Variants in ITPR2 observed in about 807,000 individuals in gnomAD.
The protein encoded by ITPR2 is inositol 1,4,5-trisphosphate receptor type 2.
In ITPR2, 207 loss-of-function variants were observed where a neutral mutation model predicts 317.1. That is an observed-to-expected ratio of 0.65 (90% CI 0.58 to 0.73). ITPR2 has a LOEUF of 0.73. ITPR2 is among the 30% of genes least tolerant of loss of function. The probability of loss-of-function intolerance (pLI) is 0.00; values close to 1 mark genes in which losing one functional copy is unlikely to be tolerated. For synonymous variants in ITPR2, 1,156 were observed against 1,149.1 expected (o/e 1.01, Z -0.12); for missense variants, 2,613 against 3,284.0 (o/e 0.80, Z 4.99).
chr12:26,378,067 T>C (rs897348445), intron 55 of ITPR2, among the ~76,000 whole-genome samples: 2 of 152,098 alleles, frequency 1.3e-5, no homozygotes, highest in Admixed American at 6.5e-5. Context: ...GTGCCTACTA[T>C]ATACTGGGCA....
rs1250041514 is a variant in ITPR2 at position 26,391,562 on chromosome 12, T to A, written c.7697-3968A>T. Among the ~76,000 whole-genome samples the A allele has an allele frequency of 1.7e-4, 13 of 74,530 alleles. 2 individuals are homozygous for A. The Admixed American group carries it at 2.1e-3, about 12-fold the overall frequency. 48.9% of individuals were successfully genotyped at this position (74,530 alleles called of 152,430 possible). A position where few individuals can be genotyped will look rare whatever the true frequency, so the allele number is the denominator to read the frequency against. On this transcript the variant is annotated intron_variant, in intron 54 of 56. Coordinates refer to ENST00000381340, the MANE Select transcript of ITPR2 (RefSeq NM_002223.4). ...TCTTCTTCTTCTTCTTTTCCTTTTT[T>A]TTTTTTTTTTTTTTTTTTTTTTGAC...
At chr12:26,734,575 C>T (rs1258783747) in intron 2 of ITPR2, among the ~76,000 whole-genome samples, 3 of 151,636 alleles carry the variant, frequency 2.0e-5, no homozygotes, top group Non-Finnish European at 4.4e-5. Flanking sequence ...TAGAGGTAAG[C>T]TTGCCTTTTT....
intron 1 of ITPR2, among the ~76,000 whole-genome samples, chr12:26,800,246 AG>A (rs1357387915): frequency 6.6e-6 from 1 of 152,306 alleles, no homozygotes; most frequent in African/African-American, 2.4e-5. Flanking sequence ...GACCAAAAAA[AG>A]TTTTATACTT....
At chr12:26,784,500 CT>C (rs1163159929) in intron 2 of ITPR2, among the ~76,000 whole-genome samples, 84 of 151,542 alleles carry the variant, frequency 5.5e-4, no homozygotes, top group Non-Finnish European at 9.0e-4. Context: ...GCCGCCACGC[CT>C]GACTGGTTTT....
chr12:26,780,355 T>G (rs12580312), intron 2 of ITPR2, among the ~76,000 whole-genome samples: 55,714 of 152,084 alleles, frequency 0.37, 12,699 homozygotes, highest in Non-Finnish European at 0.53. Flanking sequence ...ACTCCAGATA[T>G]GGGTTTGCCT....
chr12:26,390,898 G>A (rs144677795), intron 54 of ITPR2, among the ~76,000 whole-genome samples: 3 of 152,270 alleles, frequency 2.0e-5, no homozygotes, highest in Middle Eastern at 3.4e-3. Context: ...GCAAGGTAAT[G>A]GGGCTATAAA....
At chr12:26,346,297 C>G (rs190188453) in intron 55 of ITPR2, among the ~76,000 whole-genome samples, 2 of 152,300 alleles carry the variant, frequency 1.3e-5, no homozygotes, top group East Asian at 3.9e-4. Flanking sequence ...TGTAGTCATT[C>G]AATAAAATGA....
intron 55 of ITPR2, among the ~76,000 whole-genome samples, chr12:26,368,166 A>G (rs1939072109): frequency 6.6e-6 from 1 of 152,226 alleles, no homozygotes; most frequent in Non-Finnish European, 1.5e-5. Context: ...CTGGCTTCCA[A>G]GTTTGTCCAG....
chr12:26,537,800 G>A (rs942174421), intron 37 of ITPR2, among the ~76,000 whole-genome samples: 1 of 152,142 alleles, frequency 6.6e-6, no homozygotes, highest in Non-Finnish European at 1.5e-5. Flanking sequence ...ACTGAGATAA[G>A]ATAGACCTAA....
Position 26,483,038 on chromosome 12 carries a change from T to A in ITPR2, c.6012+660A>T, listed in dbSNP as rs115297835. ...AAACTTTCAGGTGGCATCCCTTACC[T>A]TGATTGACCCAAGTGTCCTGCCTTC... On this transcript the variant is annotated intron_variant, in intron 42 of 56. Transcript: ENST00000381340. 6.5e-3 allele frequency among the ~76,000 whole-genome samples: 992 copies of A among 152,308 alleles called. 18 individuals are homozygous for A. The highest frequency in any genetic ancestry group is 0.023 in the African/African-American group (948 of 41,554).
At chr12:26,465,811 C>T (rs1029445707) in intron 45 of ITPR2, among the ~76,000 whole-genome samples, 1 of 152,080 alleles carries the variant, frequency 6.6e-6, no homozygotes. Context: ...GCATTCCCTA[C>T]CCACCCCACA....
chr12:26,778,712 A>G (rs1002186206), intron 2 of ITPR2, among the ~76,000 whole-genome samples: 1 of 152,218 alleles, frequency 6.6e-6, no homozygotes, highest in African/African-American at 2.4e-5. Flanking sequence ...CATTGATGAC[A>G]CTATGTTGAC....
chr12:26,681,304 A>G (rs1948024480), intron 13 of ITPR2, among the ~76,000 whole-genome samples: 1 of 152,234 alleles, frequency 6.6e-6, no homozygotes, highest in Non-Finnish European at 1.5e-5. Context: ...TAAGTGACAC[A>G]AAGCAGGCAT....
chr12:26,432,405 G>T (rs1019410481), intron 48 of ITPR2, among the ~76,000 whole-genome samples: 2 of 152,088 alleles, frequency 1.3e-5, no homozygotes, highest in African/African-American at 2.4e-5. Context: ...GTCGGTGATT[G>T]TATCAGGAGG....
chr12:26,480,865 A>G (rs11048547), intron 43 of ITPR2, among the ~76,000 whole-genome samples: 3,337 of 140,308 alleles, frequency 0.024, 153 homozygotes, highest in East Asian at 0.21. Flanking sequence ...AAATAAAATA[A>G]AAAATAAAAT....
intron 13 of ITPR2, among the ~76,000 whole-genome samples, chr12:26,666,396 A>T (rs1304500028): frequency 2.0e-5 from 3 of 152,196 alleles, no homozygotes; most frequent in African/African-American, 7.2e-5. Context: ...GCGTTTGCAG[A>T]CTATTATCAA....
intron 13 of ITPR2, among the ~76,000 whole-genome samples, chr12:26,667,783 A>G (rs1211747786): frequency 6.6e-6 from 1 of 152,256 alleles, no homozygotes; most frequent in Non-Finnish European, 1.5e-5. Context: ...CTATAATCAA[A>G]TATTTAGATA....
chr12:26,701,572 C>T (rs976894173), intron 9 of ITPR2, among the ~76,000 whole-genome samples: 2 of 152,140 alleles, frequency 1.3e-5, no homozygotes, highest in Non-Finnish European at 1.5e-5. Context: ...AGGGTCTGGT[C>T]TGTATGTTAG....
intron 37 of ITPR2, among the ~76,000 whole-genome samples, chr12:26,508,994 C>T (rs1029445265): frequency 6.6e-6 from 1 of 152,124 alleles, no homozygotes; most frequent in Admixed American, 6.6e-5. Context: ...CAAATGTCCA[C>T]CAAATGATGA....
Sources: gnomAD v4.1 joint callset for allele counts (sites outside exome capture counted in the v4.1 genomes callset) on GRCh38, gnomAD v4.1.1 for gene constraint, MANE v1.5 for transcripts, NCBI Gene and HGNC (gene_info 2026-07-23, HGNC 2026-07-21) for gene names.